The following ALAS1 variants were observed in gnomAD, a reference collection of about 807,000 sequenced individuals.
ALAS1 encodes 5-aminolevulinate synthase, non-specific, mitochondrial.
ALAS1 carries 29 observed loss-of-function variants against 59.6 expected under a neutral mutation model. That is an observed-to-expected ratio of 0.49 (90% CI 0.36 to 0.66). The LOEUF is 0.66. Ranked by LOEUF, ALAS1 falls within the 30% of genes least tolerant of loss-of-function variation. The pLI, the probability that ALAS1 is intolerant of heterozygous loss-of-function variation, is 0.00. For synonymous variants in ALAS1, 299 were observed against 296.6 expected (o/e 1.01, Z -0.08); for missense variants, 690 against 807.5 (o/e 0.85, Z 1.76).
In ALAS1 at chr3:52,198,863, C is replaced by G; in HGVS notation, c.-33+15C>G. 3 of 1,535,652 alleles carry G rather than the reference C, an allele frequency of 2.0e-6. No individual in the cohort carries two copies. The highest frequency in any genetic ancestry group is 2.6e-6 in the Non-Finnish European group (3 of 1,146,874). ...TCCACCTAGATGTAAGCCAAGATGT[C>G]TTATCTGCACTGTGCATCTCCCTAA... On this transcript the variant is annotated intron_variant, in intron 2 of 11. Transcript: ENST00000484952.
intron 8 of ALAS1, among the ~76,000 whole-genome samples, chr3:52,207,768 G>A (rs1400463554): frequency 6.6e-6 from 1 of 152,098 alleles, no homozygotes; most frequent in African/African-American, 2.4e-5. Flanking sequence ...CACTTAGGAT[G>A]GCCTCTAGCT....
intron 11 of ALAS1, among the ~76,000 whole-genome samples, chr3:52,213,292 G>A (rs1009165993): frequency 1.3e-5 from 2 of 152,268 alleles, no homozygotes; most frequent in South Asian, 2.1e-4. Context: ...TCCCAAGCCC[G>A]CCCAGCGTGG....
chr3:52,200,879 G>GT (rs145803672), intron 3 of ALAS1, among the ~76,000 whole-genome samples: 28 of 150,002 alleles, frequency 1.9e-4, no homozygotes, highest in Admixed American at 4.0e-4. Context: ...AAGAAAATAA[G>GT]TTTTTTTTTT....
At chr3:52,212,445 G>A (rs575411680) in intron 11 of ALAS1, 25 bp downstream of exon 11, 3 of 1,613,436 alleles carry the variant, frequency 1.9e-6, no homozygotes, top group South Asian at 1.1e-5. Flanking sequence ...AGCTGCTGGT[G>A]CCTCACTGAG....
Position 52,214,307 on chromosome 3 carries a change from T to C in ALAS1, c.*127T>C, listed in dbSNP as rs1023595070. On this transcript the variant is annotated 3_prime_UTR_variant, in exon 12 of 12. Transcript: ENST00000484952. ...TATAGTAAAAACATAGTCCTGGAAA[T>C]AAATTCTTGCTTAAATGGTGGTTCT... 4.3e-6 allele frequency: 4 copies of C among 923,568 alleles called. No individual in the cohort carries two copies. Among genetic ancestry groups the C allele is most frequent in the Non-Finnish European group, 6.2e-6 (4 of 648,376 alleles). The allele number at this position is 923,568 out of a possible 1,614,324, so 57.2% of individuals were successfully genotyped here.
intron 3 of ALAS1, among the ~76,000 whole-genome samples, chr3:52,201,729 C>A (rs1373491295): frequency 6.6e-6 from 1 of 152,044 alleles, no homozygotes; most frequent in South Asian, 2.1e-4. Flanking sequence ...GCACTCTAGC[C>A]TGGTTGACAG....
At position 52,199,289 on chromosome 3, in the gene ALAS1, G is replaced by C. The variant is rs144906218; in HGVS notation, c.48G>C (p.Gln16His). 156 of 1,614,160 alleles carry C rather than the reference G, an allele frequency of 9.7e-5. No individual in the cohort carries two copies. In the African/African-American group the frequency reaches 1.9e-3, roughly 19 times the overall value. The change falls in exon 3 of 12, where the codon CAG becomes CAC. Residue 16 changes from glutamine (Q) to histidine (H), a missense_variant. Coordinates refer to ENST00000484952, the MANE Select transcript of ALAS1 (RefSeq NM_000688.6). ...GCCCATTCTTATCCCGAGTCCCCCA[G>C]GCCTTTCTGCAGAAAGCAGGCAAAT... ...RRCPFLSRVP[Q>H]AFLQKAGKSL...
intron 8 of ALAS1, 95 bp from the exon 9 acceptor site, chr3:52,207,988 C>T (rs567421407): frequency 1.6e-6 from 2 of 1,243,328 alleles, no homozygotes; most frequent in East Asian, 2.8e-5. Flanking sequence ...AAAATGATAC[C>T]TTAGAATAGA....
Position 52,208,149 on chromosome 3 carries a change from A to T in ALAS1, c.1232A>T (p.Asp411Val). Residue 411 changes from aspartate to valine, a missense_variant, in exon 9 of 12, where the codon GAT (aspartate) becomes GTT (valine). Physicochemically the swap from Asp to Val is radical, Grantham distance 152. Transcript: ENST00000484952. ...GAGTTTGGAGCAATCACCTTCGTGGATGAGGTCCACGCAGTGGGGCTTTAT... is the reference window on the plus strand; with the variant it reads ...GAGTTTGGAGCAATCACCTTCGTGGTTGAGGTCCACGCAGTGGGGCTTTAT... ...AHEFGAITFV[D>V]EVHAVGLYGA... is the part of the protein sequence containing the mutation. 6.2e-7 allele frequency: 1 copy of T among 1,612,446 alleles called. No homozygotes were observed. Among genetic ancestry groups the T allele is most frequent in the East Asian group, 2.2e-5 (1 of 44,846 alleles).
At chr3:52,201,331 C>G (rs1406599591) in intron 3 of ALAS1, among the ~76,000 whole-genome samples, 1 of 152,218 alleles carries the variant, frequency 6.6e-6, no homozygotes, top group African/African-American at 2.4e-5. Context: ...TGATATACCC[C>G]TATTTTTTCT....
intron 11 of ALAS1, 132 bp from the exon 12 acceptor site, chr3:52,213,888 G>A: frequency 2.5e-6 from 2 of 788,892 alleles, no homozygotes; most frequent in East Asian, 2.7e-5. Context: ...TGGACATTTG[G>A]TTGTTTCTCT....
chr3:52,210,189 G>C (rs1699377556), intron 9 of ALAS1, among the ~76,000 whole-genome samples: 1 of 152,252 alleles, frequency 6.6e-6, no homozygotes, highest in South Asian at 2.1e-4. Flanking sequence ...TTCCCTGTGG[G>C]AGGATGGTAC....
chr3:52,212,243 T>G lies in ALAS1; in HGVS notation c.1600-15T>G. On this transcript the variant is annotated splice_polypyrimidine_tract_variant and intron_variant, in intron 10 of 11. Coordinates refer to ENST00000484952, the MANE Select transcript of ALAS1 (RefSeq NM_000688.6). ...TTCCTGTTGTGACCTTACCTTCTGC[T>G]CTCATTGAACTTAGGTTGCAGATGC... 1 of 1,611,072 alleles carries G rather than the reference T, an allele frequency of 6.2e-7. No individual in the cohort carries two copies. The highest frequency in any genetic ancestry group is 8.5e-7 in the Non-Finnish European group (1 of 1,178,294).
intron 9 of ALAS1, among the ~76,000 whole-genome samples, chr3:52,208,748 A>T (rs1404778455): frequency 6.6e-6 from 1 of 152,262 alleles, no homozygotes; most frequent in East Asian, 1.9e-4. Context: ...CTGCCACCTC[A>T]CTAGTTGTGT....
At position 52,205,862 on chromosome 3, in the gene ALAS1, C is replaced by T; in HGVS notation, c.824C>T (p.Ala275Val). The T allele has an allele frequency of 6.2e-7, 1 of 1,613,572 alleles. No individual in the cohort carries two copies. Among genetic ancestry groups the T allele is most frequent in the Non-Finnish European group, 8.5e-7 (1 of 1,179,674 alleles). Residue 275 changes from alanine to valine, a missense_variant, in exon 7 of 12, where the codon GCT (alanine) becomes GTT (valine). Ala to Val is a moderately conservative substitution (Grantham distance 64). Coordinates refer to ENST00000484952, the MANE Select transcript of ALAS1 (RefSeq NM_000688.6). ...AVMDTLKQHG[A>V]GAGGTRNISG... is the part of the protein sequence containing the mutation. The stretch of plus-strand genomic sequence containing the variant: ...AGGGACACTTTGAAACAACATGGTG[C>T]TGGGGCAGGTGGTACTAGAAATATT...
Position 52,198,169 on chromosome 3 carries a change from C to G in ALAS1, c.-296C>G. 2 of 398,578 alleles carry G rather than the reference C, an allele frequency of 5.0e-6. 1 individual carries two copies. Among genetic ancestry groups the G allele is most frequent in the East Asian group, 7.1e-5 (2 of 28,074 alleles). The allele number at this position is 398,578 out of a possible 1,614,324, so 24.7% of individuals were successfully genotyped here. Reference sequence around the variant, plus strand: ...CGGCGATCGCGGCCTGAGGCTGCTCCCGGACAAGGGCAACGAGCGTTTCGT... The same window carrying G: ...CGGCGATCGCGGCCTGAGGCTGCTCGCGGACAAGGGCAACGAGCGTTTCGT... On this transcript the variant is annotated 5_prime_UTR_variant, in exon 1 of 12. Coordinates refer to ENST00000484952, the MANE Select transcript of ALAS1 (RefSeq NM_000688.6).
At chr3:52,208,331 A>G (rs1168112040) in intron 9 of ALAS1, 84 bp downstream of exon 9, 9 of 1,485,178 alleles carry the variant, frequency 6.1e-6, no homozygotes, top group Admixed American at 1.8e-5. Context: ...GGATCAGGTG[A>G]GGAGACAGCC....
In ALAS1 at chr3:52,214,163, G is replaced by A. The variant is rs1699468560; in HGVS notation, c.1906G>A (p.Val636Ile). Residue 636 changes from valine (V) to isoleucine (I), a missense_variant, in exon 12 of 12, where the codon GTA (valine) becomes ATA (isoleucine). Coordinates refer to ENST00000484952, the MANE Select transcript of ALAS1 (RefSeq NM_000688.6). Reference protein sequence around the residue: ...KSYFSGLSKLVSAQA With the variant: ...KSYFSGLSKLISAQA The stretch of plus-strand genomic sequence containing the variant: ...CTATTTCTCAGGCTTGAGCAAGTTG[G>A]TATCTGCTCAGGCCTGAGCATGACC... 6.2e-7 allele frequency: 1 copy of A among 1,611,460 alleles called. No individual in the cohort carries two copies. Among genetic ancestry groups the A allele is most frequent in the Non-Finnish European group, 8.5e-7 (1 of 1,177,838 alleles).
At chr3:52,211,976 A>G (rs1055949400) in intron 10 of ALAS1, among the ~76,000 whole-genome samples, 4 of 152,266 alleles carry the variant, frequency 2.6e-5, no homozygotes, top group African/African-American at 7.2e-5. Context: ...TAGATTATAC[A>G]TCGTGGGTAT....
Sources: gnomAD v4.1 joint callset for allele counts (sites outside exome capture counted in the v4.1 genomes callset) on GRCh38, gnomAD v4.1.1 for gene constraint, MANE v1.5 for transcripts, NCBI Gene and HGNC (gene_info 2026-07-23, HGNC 2026-07-21) for gene names.